Variants in CSMD2 observed in about 807,000 individuals in gnomAD.
CSMD2 encodes CUB and sushi domain-containing protein 2.
Under a neutral mutation model 398.5 loss-of-function variants are expected in CSMD2, and 130 were observed. That is an observed-to-expected ratio of 0.33 (90% CI 0.28 to 0.38). The LOEUF (loss-of-function observed/expected upper bound fraction) is 0.38, where lower values mean the gene tolerates loss of function less well. CSMD2 is among the 10% of genes least tolerant of loss of function. The pLI is 1.00. For synonymous variants in CSMD2, 1,828 were observed against 1,908.5 expected, an observed-to-expected ratio of 0.96 and a Z score of 1.10; for missense variants, 3,829 against 4,764.9, an observed-to-expected ratio of 0.80 and a Z score of 5.78.
At chr1:33,919,018 T>C (rs1643863148) in intron 4 of CSMD2, among the ~76,000 whole-genome samples, 1 of 152,196 alleles carries the variant, frequency 6.6e-6, no homozygotes, top group African/African-American at 2.4e-5. Context: ...ACTTGCATTT[T>C]AGAAAGAACA....
At chr1:33,617,898 A>G (rs369677432) in intron 37 of CSMD2, among the ~76,000 whole-genome samples, 16 of 152,100 alleles carry the variant, frequency 1.1e-4, no homozygotes, top group African/African-American at 2.9e-4. Context: ...CTGAGCTCTT[A>G]GCTAGGGGGC....
chr1:34,020,385 C>T (rs969525816), intron 3 of CSMD2, among the ~76,000 whole-genome samples: 6 of 152,172 alleles, frequency 3.9e-5, no homozygotes, highest in African/African-American at 1.4e-4. Flanking sequence ...TAACAGGAAG[C>T]GGAGAGCTGG....
intron 19 of CSMD2, among the ~76,000 whole-genome samples, chr1:33,721,105 C>G (rs1299504345): frequency 1.3e-5 from 2 of 152,206 alleles, no homozygotes. Flanking sequence ...CTTGTTGATT[C>G]TCTGCTGAGC....
chr1:34,119,096 A>T (rs1571179423), intron 1 of CSMD2, among the ~76,000 whole-genome samples: 1 of 152,334 alleles, frequency 6.6e-6, no homozygotes, highest in East Asian at 1.9e-4. Flanking sequence ...GACCAGTGAA[A>T]CAGAATAGAA....
At chr1:33,539,504 T>G (rs1019105002) in intron 60 of CSMD2, among the ~76,000 whole-genome samples, 1 of 152,202 alleles carries the variant, frequency 6.6e-6, no homozygotes, top group Non-Finnish European at 1.5e-5. Flanking sequence ...TGAAACAGTA[T>G]GTACAGCATG....
chr1:33,539,629 T>C (rs2148589600), intron 60 of CSMD2, among the ~76,000 whole-genome samples: 1 of 152,320 alleles, frequency 6.6e-6, no homozygotes, highest in South Asian at 2.1e-4. Context: ...AAAGTGTGAG[T>C]TCAGATGACT....
At chr1:33,826,883 C>T (rs1287698433) in intron 6 of CSMD2, among the ~76,000 whole-genome samples, 1 of 152,204 alleles carries the variant, frequency 6.6e-6, no homozygotes, top group Non-Finnish European at 1.5e-5. Context: ...GCTGACTTAG[C>T]CCTGCTCAGA....
chr1:33,533,339 T>A lies in CSMD2; in HGVS notation c.9992-110A>T, dbSNP rs1384330337. Reference sequence around the variant, plus strand: ...AATATCCTCTTCCTTTCCCTTCCAGTCCCTTTCATGCCAAGCATCCCCCTC... The same window carrying A: ...AATATCCTCTTCCTTTCCCTTCCAGACCCTTTCATGCCAAGCATCCCCCTC... On this transcript the variant is annotated intron_variant, in intron 63 of 70. Coordinates refer to ENST00000373381, the MANE Select transcript of CSMD2 (RefSeq NM_001281956.2). This position sits in a 1 kb window ranked among gnomAD's most constrained non-coding sequence, Gnocchi z 4.2. 2 of 1,004,100 alleles carry A rather than the reference T, an allele frequency of 2.0e-6. No individual in the cohort carries two copies. Among genetic ancestry groups the A allele is most frequent in the African/African-American group, 3.3e-5 (2 of 61,246 alleles). The allele number at this position is 1,004,100 out of a possible 1,614,324, so 62.2% of individuals were successfully genotyped here.
At chr1:33,918,368 G>T in intron 4 of CSMD2, 67 bp from the exon 5 acceptor site, 2 of 1,263,586 alleles carry the variant, frequency 1.6e-6, no homozygotes, top group Admixed American at 1.9e-5. Context: ...CTCACCATGG[G>T]CTATACCTGC....
Position 33,772,739 on chromosome 1 carries a change from C to T in CSMD2, c.1676G>A (p.Gly559Asp). ...AGGTATGCCAGGGTCACCGCAACTG[C>T]CCTGCTCGATCTCTGAAAGACAGGA... is the stretch of plus-strand genomic sequence containing the variant. ...FKASYEEIEQ[G>D]SCGDPGIPAY... The change falls in exon 13 of 71, where the codon GGC becomes GAC. Residue 559 changes from glycine (G) to aspartate (D), a missense_variant. This residue lies in a region of CSMD2 where 2,001 missense variants were observed against 2,567.1 expected (regional missense o/e 0.78). Coordinates refer to ENST00000373381, the MANE Select transcript of CSMD2 (RefSeq NM_001281956.2). 6.2e-7 allele frequency: 1 copy of T among 1,611,500 alleles called. No individual in the cohort carries two copies. Among genetic ancestry groups the T allele is most frequent in the Non-Finnish European group, 8.5e-7 (1 of 1,177,918 alleles).
chr1:34,073,081 C>T (rs1419203197), intron 2 of CSMD2, among the ~76,000 whole-genome samples: 1 of 152,182 alleles, frequency 6.6e-6, no homozygotes, highest in African/African-American at 2.4e-5. Context: ...CAGGCCACTT[C>T]CCTGTCCCAA....
chr1:33,830,836 G>A lies in CSMD2; in HGVS notation c.1034-5062C>T, dbSNP rs534916831. ...CTTAAAGGAGCTGATGGAGCTGAAA[G>A]CCAAGGCTCGAGAACTACGTGAAGA... is the stretch of plus-strand genomic sequence containing the variant. On this transcript the variant is annotated intron_variant, in intron 6 of 70. Transcript: ENST00000373381. 2.8e-3 allele frequency among the ~76,000 whole-genome samples: 426 copies of A among 152,318 alleles called. 1 individual carries two copies. Among genetic ancestry groups the A allele is most frequent in the African/African-American group, 9.4e-3 (392 of 41,570 alleles).
intron 60 of CSMD2, 128 bp downstream of exon 60, chr1:33,540,397 G>T: frequency 2.3e-6 from 2 of 872,724 alleles, no homozygotes; most frequent in South Asian, 1.7e-5. Flanking sequence ...TAGTGTCTTT[G>T]ATGAAGCTCC....
intron 5 of CSMD2, among the ~76,000 whole-genome samples, chr1:33,865,933 G>A (rs1640000725): frequency 6.6e-6 from 1 of 152,124 alleles, no homozygotes. Flanking sequence ...GATTGAAATG[G>A]AATATTTTGA....
intron 49 of CSMD2, among the ~76,000 whole-genome samples, chr1:33,576,950 T>C (rs1439174677): frequency 1.1e-5 from 1 of 90,278 alleles, no homozygotes; most frequent in Non-Finnish European, 2.4e-5. Context: ...ACCCACTTGC[T>C]CTATGAGCCG....
chr1:33,684,103 C>T (rs571994144), intron 25 of CSMD2, among the ~76,000 whole-genome samples: 2 of 152,308 alleles, frequency 1.3e-5, no homozygotes, highest in South Asian at 4.1e-4. Context: ...TGCCCTGTGA[C>T]TGATCTGAAA....
intron 46 of CSMD2, among the ~76,000 whole-genome samples, chr1:33,585,737 G>T (rs955448186): frequency 6.6e-6 from 1 of 152,106 alleles, no homozygotes; most frequent in African/African-American, 2.4e-5. Context: ...TCCCAGAAGT[G>T]GGGGAAAGGC....
At chr1:34,072,782 G>A (rs1415186525) in intron 2 of CSMD2, among the ~76,000 whole-genome samples, 1 of 152,100 alleles carries the variant, frequency 6.6e-6, no homozygotes, top group Non-Finnish European at 1.5e-5. Context: ...CTGGCTTTGT[G>A]TATCACCTGC....
chr1:34,105,036 T>C (rs915641383), intron 1 of CSMD2, among the ~76,000 whole-genome samples: 1 of 152,232 alleles, frequency 6.6e-6, no homozygotes, highest in African/African-American at 2.4e-5. Flanking sequence ...CTGCAGGCAG[T>C]TACTCTTCGC....
Sources: allele counts gnomAD v4.1 joint callset (sites outside exome capture counted in the v4.1 genomes callset), GRCh38; gene constraint gnomAD v4.1.1; regional missense constraint gnomAD v4.1.1; non-coding constraint Gnocchi (gnomAD v3.1); transcripts MANE v1.5; gene names NCBI Gene and HGNC (gene_info 2026-07-23, HGNC 2026-07-21).